Variants in SLC22A3 observed in about 807,000 individuals in gnomAD.
SLC22A3 encodes EMT organic cation transporter 3.
SLC22A3 carries 51 observed loss-of-function variants against 59.1 expected under a neutral mutation model. That is an observed-to-expected ratio of 0.86 (90% CI 0.69 to 1.09). SLC22A3 has a LOEUF of 1.09. SLC22A3 is among the 50% of genes least tolerant of loss of function. The pLI, the probability that SLC22A3 is intolerant of heterozygous loss-of-function variation, is 0.00. For missense variants in SLC22A3, 711 were observed against 726.3 expected (o/e 0.98, Z 0.24); for synonymous variants, 325 against 292.0 (o/e 1.11, Z -1.15).
At chr6:160,404,173 A>T (rs532274014) in intron 2 of SLC22A3, among the ~76,000 whole-genome samples, 10 of 142,840 alleles carry the variant, frequency 7.0e-5, no homozygotes, top group African/African-American at 2.7e-4. Flanking sequence ...TATGTAGAAA[A>T]TCAAAAGAAT....
chr6:160,443,132 A>C (rs1788611684), intron 8 of SLC22A3, among the ~76,000 whole-genome samples: 1 of 152,268 alleles, frequency 6.6e-6, no homozygotes, highest in Non-Finnish European at 1.5e-5. Flanking sequence ...ACTTGAAACC[A>C]GAAGACCTCT....
At chr6:160,442,056 A>G (rs1043666230) in intron 7 of SLC22A3, among the ~76,000 whole-genome samples, 8 of 152,252 alleles carry the variant, frequency 5.3e-5, no homozygotes, top group Non-Finnish European at 1.2e-4. Context: ...GGAGGAAAGG[A>G]AAATTTCTTC....
chr6:160,365,147 T>G (rs1434698493), intron 1 of SLC22A3, among the ~76,000 whole-genome samples: 1 of 152,218 alleles, frequency 6.6e-6, no homozygotes, highest in African/African-American at 2.4e-5. Flanking sequence ...TACTGAAAAT[T>G]TCTAGTCACA....
At chr6:160,376,291 A>G (rs1785587840) in intron 1 of SLC22A3, among the ~76,000 whole-genome samples, 1 of 149,172 alleles carries the variant, frequency 6.7e-6, no homozygotes, top group African/African-American at 2.4e-5. Context: ...GAGTTGAACA[A>G]TGAGAACACA....
At chr6:160,359,395 G>T (rs1784944173) in intron 1 of SLC22A3, among the ~76,000 whole-genome samples, 1 of 152,042 alleles carries the variant, frequency 6.6e-6, no homozygotes, top group Admixed American at 6.6e-5. Context: ...TAGCCAATGG[G>T]GACAAAAATT....
At chr6:160,351,219 C>T (rs1296782400) in intron 1 of SLC22A3, among the ~76,000 whole-genome samples, 1 of 152,132 alleles carries the variant, frequency 6.6e-6, no homozygotes, top group Non-Finnish European at 1.5e-5. Context: ...AGGTTCCTGC[C>T]ATTCTCCTGC....
chr6:160,438,005 G>A (rs116767662), intron 7 of SLC22A3, among the ~76,000 whole-genome samples: 1 of 152,204 alleles, frequency 6.6e-6, no homozygotes, highest in East Asian at 1.9e-4. Flanking sequence ...GCTTGCGGAG[G>A]AGGAGGAGTG....
At chr6:160,406,783 A>G (rs1243719960) in intron 2 of SLC22A3, among the ~76,000 whole-genome samples, 11 of 152,198 alleles carry the variant, frequency 7.2e-5, no homozygotes, top group Admixed American at 7.2e-4. Flanking sequence ...CACCGGGGAG[A>G]CTCTGTGTGA....
chr6:160,446,953 T>C (rs1165433637), intron 9 of SLC22A3, among the ~76,000 whole-genome samples: 1 of 152,190 alleles, frequency 6.6e-6, no homozygotes, highest in East Asian at 1.9e-4. Context: ...GGGCCCACAG[T>C]GGGAGCATTT....
In SLC22A3 at chr6:160,407,929, T is replaced by C. The variant is rs181936075; in HGVS notation, c.688+734T>C. Among the ~76,000 whole-genome samples the C allele has an allele frequency of 9.9e-5, 15 of 152,274 alleles. No individual in the cohort carries two copies. In the East Asian group the frequency reaches 2.9e-3, roughly 29 times the overall value. On this transcript the variant is annotated intron_variant, in intron 3 of 10. Transcript: ENST00000275300. ...CTTCCACTCTCCTCTGTCACTGCTATACAATCTCCAAGCAGTGCGCATTTT... is the reference window on the plus strand; with the variant it reads ...CTTCCACTCTCCTCTGTCACTGCTACACAATCTCCAAGCAGTGCGCATTTT...
chr6:160,395,676 C>A (rs1786442526), intron 1 of SLC22A3, among the ~76,000 whole-genome samples: 1 of 152,106 alleles, frequency 6.6e-6, no homozygotes, highest in African/African-American at 2.4e-5. Context: ...TTTAAAATGA[C>A]CATGATTACA....
At chr6:160,363,590 C>A (rs904289843) in intron 1 of SLC22A3, among the ~76,000 whole-genome samples, 7 of 151,988 alleles carry the variant, frequency 4.6e-5, no homozygotes, top group Non-Finnish European at 1.0e-4. Context: ...TGAGTCCCAG[C>A]AAGCCACCAC....
intron 1 of SLC22A3, among the ~76,000 whole-genome samples, chr6:160,360,326 C>T (rs1452368974): frequency 6.6e-6 from 1 of 152,124 alleles, no homozygotes; most frequent in East Asian, 1.9e-4. Flanking sequence ...GCCGTGATGG[C>T]AGGCTCCTGT....
chr6:160,366,776 C>A (rs1354863537), intron 1 of SLC22A3, among the ~76,000 whole-genome samples: 2 of 152,186 alleles, frequency 1.3e-5, no homozygotes, highest in African/African-American at 2.4e-5. Flanking sequence ...GGACCAACAC[C>A]ACATGAAAGC....
intron 1 of SLC22A3, among the ~76,000 whole-genome samples, chr6:160,373,868 C>A (rs1279971802): frequency 6.6e-6 from 1 of 152,148 alleles, no homozygotes; most frequent in Non-Finnish European, 1.5e-5. Context: ...CCACCAAGCT[C>A]GAGTGTCCCA....
At chr6:160,404,743 A>G (rs1402165105) in intron 2 of SLC22A3, among the ~76,000 whole-genome samples, 2 of 152,134 alleles carry the variant, frequency 1.3e-5, no homozygotes, top group Non-Finnish European at 2.9e-5. Context: ...GAAAGAATAG[A>G]CCTCTACCAA....
chr6:160,426,975 C>T (rs1481173366), intron 5 of SLC22A3, among the ~76,000 whole-genome samples: 1 of 152,072 alleles, frequency 6.6e-6, no homozygotes, highest in Non-Finnish European at 1.5e-5. Flanking sequence ...ATTTTTCCAG[C>T]CCCCTCAGTG....
intron 1 of SLC22A3, among the ~76,000 whole-genome samples, chr6:160,370,325 C>T (rs1785355394): frequency 6.6e-6 from 1 of 152,230 alleles, no homozygotes; most frequent in Admixed American, 6.5e-5. Context: ...TTTGGATAGT[C>T]CCAGTCTCCC....
At chr6:160,428,400 A>C (rs1468011469) in intron 5 of SLC22A3, among the ~76,000 whole-genome samples, 2 of 152,256 alleles carry the variant, frequency 1.3e-5, no homozygotes, top group Non-Finnish European at 2.9e-5. Context: ...AGACTCGCTC[A>C]GTGCAGCACG....
Sources: gnomAD v4.1 joint callset for allele counts (sites outside exome capture counted in the v4.1 genomes callset) on GRCh38, gnomAD v4.1.1 for gene constraint, MANE v1.5 for transcripts, NCBI Gene and HGNC (gene_info 2026-07-23, HGNC 2026-07-21) for gene names.